The following DPP10 variants were observed in gnomAD, a reference collection of about 807,000 sequenced individuals.
DPP10 encodes inactive dipeptidyl peptidase 10.
A neutral mutation model predicts 120.9 loss-of-function variants in DPP10; 33 were observed. That is an observed-to-expected ratio of 0.27 (90% CI 0.21 to 0.37). The LOEUF (loss-of-function observed/expected upper bound fraction) is 0.37. DPP10 is among the 10% of genes least tolerant of loss of function. The pLI is 1.00. For synonymous variants in DPP10, 337 were observed against 326.1 expected, an observed-to-expected ratio of 1.03 and a Z score of -0.36; for missense variants, 816 against 942.8, an observed-to-expected ratio of 0.87 and a Z score of 1.76.
intron 1 of DPP10, among the ~76,000 whole-genome samples, chr2:114,621,131 A>T (rs1694063171): frequency 6.6e-6 from 1 of 152,114 alleles, no homozygotes; most frequent in Non-Finnish European, 1.5e-5. Context: ...ACACATGGAA[A>T]TAGGATTGAA....
At chr2:114,961,690 T>C (rs1277069313) in intron 1 of DPP10, among the ~76,000 whole-genome samples, 1 of 152,074 alleles carries the variant, frequency 6.6e-6, no homozygotes, top group Non-Finnish European at 1.5e-5. Context: ...CCTAGTACAA[T>C]GTCTGACATA....
intron 1 of DPP10, among the ~76,000 whole-genome samples, chr2:115,295,796 A>G (rs1341753582): frequency 6.6e-6 from 1 of 152,032 alleles, no homozygotes; most frequent in African/African-American, 2.4e-5. Flanking sequence ...TAAAGAAGGT[A>G]TTAGAAAAAT....
intron 1 of DPP10, among the ~76,000 whole-genome samples, chr2:114,883,291 T>C (rs1472228985): frequency 6.6e-6 from 1 of 152,164 alleles, no homozygotes; most frequent in Non-Finnish European, 1.5e-5. Flanking sequence ...TTTCTTATAG[T>C]CTGTAGTCAC....
chr2:114,587,258 G>A (rs1291419668), intron 1 of DPP10, among the ~76,000 whole-genome samples: 86 of 144,712 alleles, frequency 5.9e-4, no homozygotes, highest in African/African-American at 2.1e-3. Flanking sequence ...CCAAGATCGC[G>A]CCATTGCACT....
chr2:115,441,158 G>A (rs1417578900), intron 3 of DPP10, among the ~76,000 whole-genome samples: 2 of 151,858 alleles, frequency 1.3e-5, no homozygotes, highest in Non-Finnish European at 2.9e-5. Flanking sequence ...AGATTTTGAG[G>A]TTAAATAATA....
chr2:115,544,955 CTT>C, intron 5 of DPP10, among the ~76,000 whole-genome samples: 1 of 152,092 alleles, frequency 6.6e-6, no homozygotes, highest in African/African-American at 2.4e-5. Flanking sequence ...AAGTTGTTTT[CTT>C]TCTTCTGGGT....
intron 1 of DPP10, among the ~76,000 whole-genome samples, chr2:115,138,192 T>A (rs1473203186): frequency 6.6e-6 from 1 of 152,216 alleles, no homozygotes; most frequent in Non-Finnish European, 1.5e-5. Flanking sequence ...CTTATCAATT[T>A]TTTTTTTAGT....
chr2:114,751,844 T>A (rs1679256146), intron 1 of DPP10, among the ~76,000 whole-genome samples: 1 of 152,176 alleles, frequency 6.6e-6, no homozygotes, highest in Non-Finnish European at 1.5e-5. Flanking sequence ...GGCTTTTGCA[T>A]CCTTGACTCT....
chr2:114,775,876 C>T (rs1453019148), intron 1 of DPP10, among the ~76,000 whole-genome samples: 1 of 152,074 alleles, frequency 6.6e-6, no homozygotes, highest in African/African-American at 2.4e-5. Flanking sequence ...AAAGACACTC[C>T]TACGTCTCAA....
chr2:115,769,391 A>T, intron 13 of DPP10, among the ~76,000 whole-genome samples: 1 of 152,076 alleles, frequency 6.6e-6, no homozygotes, highest in East Asian at 1.9e-4. Context: ...ATACATTTGT[A>T]TTGGACAGCT....
chr2:114,984,520 A>C (rs1045169996), intron 1 of DPP10, among the ~76,000 whole-genome samples: 1 of 152,184 alleles, frequency 6.6e-6, no homozygotes, highest in Admixed American at 6.5e-5. Flanking sequence ...AGCTGGGTGC[A>C]GTGGCATGCA....
chr2:115,686,436 C>T (rs540437721), intron 5 of DPP10, among the ~76,000 whole-genome samples: 2 of 152,056 alleles, frequency 1.3e-5, no homozygotes, highest in Admixed American at 1.3e-4. Context: ...AATGTTGTGA[C>T]CAGAGGCTCA....
At chr2:114,884,967 C>T (rs980417625) in intron 1 of DPP10, among the ~76,000 whole-genome samples, 5 of 152,178 alleles carry the variant, frequency 3.3e-5, no homozygotes, top group Non-Finnish European at 7.3e-5. Flanking sequence ...ACAATGTTGA[C>T]AAGCCTTTGT....
intron 1 of DPP10, among the ~76,000 whole-genome samples, chr2:114,501,624 AAAT>A (rs1683190489): frequency 6.6e-6 from 1 of 152,156 alleles, no homozygotes; most frequent in Admixed American, 6.5e-5. Flanking sequence ...AGAAAATTTA[AAAT>A]AATATTCTAA....
rs547476230 is a variant in DPP10 at position 115,538,543 on chromosome 2, A to C, written c.441+12571A>C. On this transcript the variant is annotated intron_variant, in intron 5 of 25. Coordinates refer to ENST00000410059, the MANE Select transcript of DPP10 (RefSeq NM_020868.6). The stretch of plus-strand genomic sequence containing the variant: ...AGATTACAGATAACCTAGGGGTGGC[A>C]ATGCTGACTGGAGTTCAAATGATTA... Among the ~76,000 whole-genome samples the C allele has an allele frequency of 8.5e-5, 13 of 152,100 alleles. No individual in the cohort carries two copies. The South Asian group carries it at 2.7e-3, about 32-fold the overall frequency.
At chr2:114,653,579 TTTTG>T (rs1296697662) in intron 1 of DPP10, among the ~76,000 whole-genome samples, 1 of 152,186 alleles carries the variant, frequency 6.6e-6, no homozygotes, top group Non-Finnish European at 1.5e-5. Context: ...CTAAAAGTCA[TTTTG>T]TTTAACATTT....
chr2:115,183,362 T>G (rs2054212339), intron 1 of DPP10, among the ~76,000 whole-genome samples: 1 of 152,226 alleles, frequency 6.6e-6, no homozygotes, highest in Admixed American at 6.5e-5. Context: ...TAAGCATTCC[T>G]ACCTTGGTGC....
intron 3 of DPP10, among the ~76,000 whole-genome samples, chr2:115,480,251 A>C (rs962754920): frequency 6.6e-6 from 1 of 152,142 alleles, no homozygotes; most frequent in Admixed American, 6.6e-5. Flanking sequence ...TAAATATAAT[A>C]ATTTTGTTTA....
chr2:115,842,161 A>G (rs1575972513), intron 25 of DPP10, 50 bp from the exon 26 acceptor site: 2 of 1,517,866 alleles, frequency 1.3e-6, no homozygotes, highest in South Asian at 1.3e-5. Flanking sequence ...AATGCGAGAG[A>G]CAATAGCTTC....
Sources: allele counts gnomAD v4.1 joint callset (sites outside exome capture counted in the v4.1 genomes callset), GRCh38; gene constraint gnomAD v4.1.1; transcripts MANE v1.5; gene names NCBI Gene and HGNC (gene_info 2026-07-23, HGNC 2026-07-21).